The following METTL15 variants were observed in gnomAD, a reference collection of about 807,000 sequenced individuals.
METTL15 encodes 12S rRNA N(4)-cytidine methyltransferase METTL15.
METTL15 carries 34 observed loss-of-function variants against 38.3 expected under a neutral mutation model. The ratio of observed to expected loss-of-function variants is 0.89; its 90% CI spans 0.68 to 1.18. The LOEUF (loss-of-function observed/expected upper bound fraction) is 1.18, where lower values mean the gene tolerates loss of function less well. Ranked by LOEUF, METTL15 falls within the 50% of genes most tolerant of loss-of-function variation. The pLI is 0.00. For missense variants in METTL15, 438 were observed against 498.4 expected (o/e 0.88, Z 1.15); for synonymous variants, 162 against 170.9 (o/e 0.95, Z 0.41).
rs796608808 is a variant in METTL15, at chr11:28,264,933, A to AT, written c.408-25265dup. 4.8e-4 allele frequency among the ~76,000 whole-genome samples: 73 copies of AT among 151,488 alleles called. 1 individual carries two copies. The highest frequency in any genetic ancestry group is 1.6e-3 in the African/African-American group (68 of 41,454). On this transcript the variant is annotated intron_variant, in intron 4 of 6. Coordinates refer to ENST00000407364, the MANE Select transcript of METTL15 (RefSeq NM_001113528.2). ...ATAAGTGATATGTATGGGAGGAAAT[A>AT]TTTTTTTTATTAATCTAAGAATTTA...
intron 4 of METTL15, among the ~76,000 whole-genome samples, chr11:28,236,356 T>A (rs957408263): frequency 6.6e-5 from 10 of 152,200 alleles, no homozygotes; most frequent in Admixed American, 4.6e-4. Flanking sequence ...CTTTTTCTAT[T>A]GATTGGAATA....
intron 6 of METTL15, among the ~76,000 whole-genome samples, chr11:28,302,788 C>T (rs1293636990): frequency 6.6e-6 from 1 of 152,112 alleles, no homozygotes; most frequent in Admixed American, 6.6e-5. Context: ...GTACTTTATT[C>T]ATCTTTGTAA....
intron 4 of METTL15, among the ~76,000 whole-genome samples, chr11:28,274,445 A>G (rs1855764483): frequency 6.6e-6 from 1 of 152,038 alleles, no homozygotes; most frequent in Admixed American, 6.6e-5. Flanking sequence ...TCAGTATTCT[A>G]GTACTTTTCA....
chr11:28,286,883 C>A (rs914867866), intron 4 of METTL15, among the ~76,000 whole-genome samples: 1 of 151,688 alleles, frequency 6.6e-6, no homozygotes, highest in Non-Finnish European at 1.5e-5. Context: ...TGTACACACG[C>A]ACACACAGAC....
At chr11:28,398,136 G>A (rs2133401246) in intron 5 of METTL15, among the ~76,000 whole-genome samples, 1 of 151,178 alleles carries the variant, frequency 6.6e-6, no homozygotes, top group South Asian at 2.1e-4. Flanking sequence ...ATACCTAATT[G>A]TGCATCACAC....
chr11:28,411,109 A>T (rs1403180293), intron 5 of METTL15, among the ~76,000 whole-genome samples: 1 of 152,038 alleles, frequency 6.6e-6, no homozygotes, highest in Non-Finnish European at 1.5e-5. Flanking sequence ...ACACAAATAA[A>T]TGGAAAGGTA....
At chr11:28,385,187 C>T (rs575950259) in intron 5 of METTL15, among the ~76,000 whole-genome samples, 9 of 152,234 alleles carry the variant, frequency 5.9e-5, no homozygotes, top group African/African-American at 1.4e-4. Context: ...GTTGCAATTG[C>T]GTTTGACATC....
intron 3 of METTL15, among the ~76,000 whole-genome samples, chr11:28,168,783 G>A (rs1190137224): frequency 3.9e-5 from 6 of 151,966 alleles, no homozygotes; most frequent in Non-Finnish European, 8.8e-5. Flanking sequence ...CCAAAAAATG[G>A]TATTTATCAC....
At chr11:28,393,482 T>C (rs755849803) in intron 5 of METTL15, among the ~76,000 whole-genome samples, 13 of 152,116 alleles carry the variant, frequency 8.5e-5, no homozygotes, top group African/African-American at 1.9e-4. Flanking sequence ...TTGGTGTTGA[T>C]GTTAGATGCC....
At chr11:28,273,203 C>G (rs1413119389) in intron 4 of METTL15, among the ~76,000 whole-genome samples, 1 of 152,092 alleles carries the variant, frequency 6.6e-6, no homozygotes, top group African/African-American at 2.4e-5. Flanking sequence ...TAGAAGTATT[C>G]AGAAAATGTC....
chr11:28,422,977 A>G (rs935453767), intron 5 of METTL15, among the ~76,000 whole-genome samples: 1 of 152,008 alleles, frequency 6.6e-6, no homozygotes, highest in Non-Finnish European at 1.5e-5. Context: ...GGAGTATATA[A>G]GGAGCTCAAA....
downstream of METTL15, among the ~76,000 whole-genome samples, chr11:28,336,468 C>G (rs979073810): frequency 8.5e-5 from 13 of 152,202 alleles, 1 homozygote; most frequent in Middle Eastern, 6.8e-3. Flanking sequence ...TTTTCTAATT[C>G]TGCACTCTAA....
intron 5 of METTL15, among the ~76,000 whole-genome samples, chr11:28,381,038 G>T (rs115801526): frequency 6.6e-6 from 1 of 152,048 alleles, no homozygotes; most frequent in East Asian, 1.9e-4. Flanking sequence ...TCATCTAGGC[G>T]GAAGTCCAGT....
intron 3 of METTL15, among the ~76,000 whole-genome samples, chr11:28,136,470 T>G (rs1374615091): frequency 6.6e-6 from 1 of 152,130 alleles, no homozygotes; most frequent in Non-Finnish European, 1.5e-5. Flanking sequence ...TAAACCTCTT[T>G]CCTTTATAAA....
intron 3 of METTL15, among the ~76,000 whole-genome samples, chr11:28,155,414 C>G (rs1850229684): frequency 6.6e-6 from 1 of 152,142 alleles, no homozygotes. Context: ...CTTGATCTGT[C>G]CAGGAACATG....
intron 4 of METTL15, among the ~76,000 whole-genome samples, chr11:28,228,019 C>T (rs1853549284): frequency 6.6e-6 from 1 of 151,868 alleles, no homozygotes; most frequent in Non-Finnish European, 1.5e-5. Flanking sequence ...AATATTGTGA[C>T]ACTAAATTTT....
At chr11:28,374,168 T>A (rs1479008633) in intron 5 of METTL15, among the ~76,000 whole-genome samples, 1 of 152,176 alleles carries the variant, frequency 6.6e-6, no homozygotes, top group South Asian at 2.1e-4. Context: ...TGGTTCCGTA[T>A]GAACTTAAAG....
At chr11:28,418,706 A>G (rs1048186550) in intron 5 of METTL15, among the ~76,000 whole-genome samples, 2 of 152,160 alleles carry the variant, frequency 1.3e-5, no homozygotes, top group African/African-American at 4.8e-5. Flanking sequence ...TGAATTGTCA[A>G]CACCACCCCT....
intron 3 of METTL15, among the ~76,000 whole-genome samples, chr11:28,155,730 T>G (rs1439929629): frequency 6.6e-5 from 10 of 152,216 alleles, no homozygotes; most frequent in Non-Finnish European, 1.2e-4. Context: ...TGCCTCAATT[T>G]CTTTGAGTAT....
Sources: gnomAD v4.1 joint callset for allele counts (sites outside exome capture counted in the v4.1 genomes callset) on GRCh38, gnomAD v4.1.1 for gene constraint, MANE v1.5 for transcripts, NCBI Gene and HGNC (gene_info 2026-07-23, HGNC 2026-07-21) for gene names.